NLRP8: variants seen among roughly 807,000 people sequenced by gnomAD.
NLRP8 encodes the protein NACHT, LRR and PYD domains-containing protein 8.
A neutral mutation model predicts 88.7 loss-of-function variants in NLRP8; 86 were observed. The observed-to-expected ratio is 0.97, with a 90% CI of 0.81 to 1.16. The LOEUF (loss-of-function observed/expected upper bound fraction) is 1.16, where lower values mean the gene tolerates loss of function less well. NLRP8 is among the 50% of genes most tolerant of loss of function. The pLI, the probability that NLRP8 is intolerant of heterozygous loss-of-function variation, is 0.00. For missense variants in NLRP8, 1,342 were observed against 1,286.5 expected (o/e 1.04, Z -0.66); for synonymous variants, 504 against 494.6 (o/e 1.02, Z -0.25).
chr19:55,972,811 G>A (rs201464423), intron 6 of NLRP8, among the ~76,000 whole-genome samples: 645 of 38,426 alleles, frequency 0.017, 2 homozygotes, highest in East Asian at 0.11. Flanking sequence ...GTGTGTGTAT[G>A]TGTGTGTGTG....
chr19:55,979,300 T>G, intron 8 of NLRP8, 94 bp from the exon 9 acceptor site: 1 of 1,314,214 alleles, frequency 7.6e-7, no homozygotes, highest in Non-Finnish European at 1.1e-6. Context: ...TTCCTGTCAG[T>G]GTGATTTCTT....
intron 1 of NLRP8, among the ~76,000 whole-genome samples, chr19:55,949,983 A>G (rs1756812901): frequency 6.6e-6 from 1 of 152,236 alleles, no homozygotes; most frequent in African/African-American, 2.4e-5. Flanking sequence ...ACAGGAGGAA[A>G]TAGCTCATCA....
chr19:55,955,188 A>G lies in NLRP8; in HGVS notation c.1130A>G (p.Asp377Gly). The G allele has an allele frequency of 6.2e-7, 1 of 1,614,128 alleles. No individual in the cohort carries two copies. The highest frequency in any genetic ancestry group is 8.5e-7 in the Non-Finnish European group (1 of 1,179,984). Residue 377 changes from aspartate to glycine, a missense_variant, in exon 3 of 10, where the codon GAC becomes GGC. By Grantham distance (94) the Asp-to-Gly change is moderately conservative (BLOSUM62 -1). Transcript: ENST00000291971. The stretch of plus-strand genomic sequence containing the variant: ...TATTTTGGACACACAGAGGAGGGAG[A>G]CCAAGTCTTGAGTTTCGCCATGGAA...
At chr19:55,963,570 G>C (rs1400559285) in intron 4 of NLRP8, among the ~76,000 whole-genome samples, 1 of 151,742 alleles carries the variant, frequency 6.6e-6, no homozygotes, top group African/African-American at 2.4e-5. Context: ...TTTTTTTCCA[G>C]GTGGGGTCTT....
Position 55,988,139 on chromosome 19 carries a change from C to A in NLRP8, c.*226C>A, listed in dbSNP as rs1408742518. Reference sequence around the variant, plus strand: ...TGGGCGTGGTGGCTCACGCCTGTAACCCAGCACTATGGGAGGTCGAGGTGG... The same window carrying A: ...TGGGCGTGGTGGCTCACGCCTGTAAACCAGCACTATGGGAGGTCGAGGTGG... On this transcript the variant is annotated 3_prime_UTR_variant, in exon 10 of 10. Coordinates refer to ENST00000291971, the MANE Select transcript of NLRP8 (RefSeq NM_176811.2). 1.3e-5 allele frequency: 5 copies of A among 387,992 alleles called. No homozygotes were observed. In the East Asian group the frequency reaches 2.5e-4, roughly 19 times the overall value. 24.0% of individuals were successfully genotyped at this position (387,992 alleles called of 1,614,324 possible).
intron 1 of NLRP8, among the ~76,000 whole-genome samples, chr19:55,950,795 T>C (rs1979059952): frequency 6.6e-6 from 1 of 151,700 alleles, no homozygotes; most frequent in Admixed American, 6.6e-5. Context: ...AAGGCCGAGG[T>C]GGGGCCAGGC....
In NLRP8 at chr19:55,955,241, G is replaced by A. The variant is rs778875208; in HGVS notation, c.1183G>A (p.Val395Ile). 1 of 1,614,098 alleles carries A rather than the reference G, an allele frequency of 6.2e-7. No individual in the cohort carries two copies. Among genetic ancestry groups the A allele is most frequent in the Non-Finnish European group, 8.5e-7 (1 of 1,180,040 alleles). ...CACCATTCTCTTCTCCATGTGCCGGGTCCCTGTGGTTTGCTGGATGGTCTG... is the reference window on the plus strand; with the variant it reads ...CACCATTCTCTTCTCCATGTGCCGGATCCCTGTGGTTTGCTGGATGGTCTG... Residue 395 changes from valine to isoleucine, a missense_variant, in exon 3 of 10, where the codon GTC becomes ATC. Transcript: ENST00000291971.
Position 55,970,593 on chromosome 19 carries a change from A to T in NLRP8, c.2431A>T (p.Asn811Tyr), listed in dbSNP as rs1980031297. The change falls in exon 6 of 10, where the codon AAT becomes TAT. Residue 811 changes from asparagine to tyrosine, a missense_variant. Transcript: ENST00000291971. ...TAGAATTTGGACTGATCTTGGCAATAATCTTCAAGGTAACGGGCATCTAAA... is the reference window on the plus strand; with the variant it reads ...TAGAATTTGGACTGATCTTGGCAATTATCTTCAAGGTAACGGGCATCTAAA... 1 of 1,614,000 alleles carries T rather than the reference A, an allele frequency of 6.2e-7. No homozygotes were observed. Among genetic ancestry groups the T allele is most frequent in the African/African-American group, 1.3e-5 (1 of 74,896 alleles).
Position 55,955,317 on chromosome 19 carries a change from G to A in NLRP8, c.1259G>A (p.Cys420Tyr). Residue 420 changes from cysteine (C) to tyrosine (Y), a missense_variant, in exon 3 of 10, where the codon TGT becomes TAT. Physicochemically the swap from Cys to Tyr is radical, Grantham distance 194 (BLOSUM62 -2). Coordinates refer to ENST00000291971, the MANE Select transcript of NLRP8 (RefSeq NM_176811.2). Reference sequence around the variant, plus strand: ...AGAGGAAACAATCTCACACAGTCATGTCCAAATGCCACCTCTGTGTTCGTC... The same window carrying A: ...AGAGGAAACAATCTCACACAGTCATATCCAAATGCCACCTCTGTGTTCGTC... The A allele has an allele frequency of 6.2e-7, 1 of 1,614,182 alleles. No homozygotes were observed. The highest frequency in any genetic ancestry group is 8.5e-7 in the Non-Finnish European group (1 of 1,180,042).
chr19:55,965,559 G>A (rs912004161), intron 4 of NLRP8, among the ~76,000 whole-genome samples: 19 of 152,000 alleles, frequency 1.3e-4, no homozygotes, highest in Admixed American at 4.6e-4. Context: ...CCAGTCCTCC[G>A]AATCCTTCAG....
chr19:55,959,931 A>G (rs927317730), intron 3 of NLRP8, among the ~76,000 whole-genome samples: 2 of 152,108 alleles, frequency 1.3e-5, no homozygotes, highest in Non-Finnish European at 2.9e-5. Flanking sequence ...CCAGGTGCTG[A>G]GGTCATTACC....
At chr19:55,962,576 G>A (rs1386283531) in intron 4 of NLRP8, among the ~76,000 whole-genome samples, 1 of 152,184 alleles carries the variant, frequency 6.6e-6, no homozygotes, top group Non-Finnish European at 1.5e-5. Flanking sequence ...TCTCCCTGGT[G>A]CACTTCAATG....
At chr19:55,957,675 ATATATATATATATATATATATATATAT>A (rs1568460896) in intron 3 of NLRP8, among the ~76,000 whole-genome samples, 1,174 of 105,512 alleles carry the variant, frequency 0.011, 82 homozygotes, top group African/African-American at 0.037. Context: ...AATAATAATT[ATATATATATATATATATATATATATAT>A]ATATATATAT....
intron 7 of NLRP8, among the ~76,000 whole-genome samples, chr19:55,975,586 G>A (rs994767391): frequency 2.0e-5 from 3 of 152,176 alleles, no homozygotes; most frequent in African/African-American, 7.2e-5. Context: ...TCACGCAATG[G>A]AATGTTATTT....
At chr19:55,948,321 C>T in intron 1 of NLRP8, 52 bp downstream of exon 1, 1 of 1,557,260 alleles carries the variant, frequency 6.4e-7, no homozygotes, top group Non-Finnish European at 8.7e-7. Flanking sequence ...TGCTGGGCAG[C>T]TAAACTACTC....
At position 55,979,456 on chromosome 19, in the gene NLRP8, A is replaced by G; in HGVS notation, c.2939A>G (p.Asn980Ser). The stretch of plus-strand genomic sequence containing the variant: ...GCCATGGCTTCCATGCTCCGCAAAA[A>G]CCAACATCTGAGACATCTGGACTTG... Residue 980 changes from asparagine to serine, a missense_variant, in exon 9 of 10, where the codon AAC becomes AGC. Transcript: ENST00000291971. The G allele has an allele frequency of 6.2e-7, 1 of 1,614,156 alleles. No individual in the cohort carries two copies. The highest frequency in any genetic ancestry group is 8.5e-7 in the Non-Finnish European group (1 of 1,180,024).
chr19:55,979,228 A>G (rs1980470329), intron 8 of NLRP8, among the ~76,000 whole-genome samples, 166 bp from the exon 9 acceptor site: 1 of 152,240 alleles, frequency 6.6e-6, no homozygotes, highest in Admixed American at 6.5e-5. Context: ...AAATCACCAA[A>G]AGGACACAAA....
chr19:55,961,881 T>C (rs1979627110), intron 3 of NLRP8, among the ~76,000 whole-genome samples, 186 bp from the exon 4 acceptor site: 1 of 152,080 alleles, frequency 6.6e-6, no homozygotes, highest in Non-Finnish European at 1.5e-5. Flanking sequence ...TGACCATGAG[T>C]CTCCCTGGAA....
At chr19:55,972,790 G>GGTGTGTGT (rs779127687) in intron 6 of NLRP8, among the ~76,000 whole-genome samples, 2 of 138,830 alleles carry the variant, frequency 1.4e-5, no homozygotes, top group Admixed American at 7.9e-5. Flanking sequence ...AGTATTCCAT[G>GGTGTGTGT]GTGTGTGTGT....
Sources: allele counts gnomAD v4.1 joint callset (sites outside exome capture counted in the v4.1 genomes callset), GRCh38; gene constraint gnomAD v4.1.1; transcripts MANE v1.5; gene names NCBI Gene and HGNC (gene_info 2026-07-23, HGNC 2026-07-21).